The following PSEN2 variants were observed in gnomAD, a reference collection of about 807,000 sequenced individuals.
PSEN2 encodes the protein presenilin 2.
Under a neutral mutation model 49.1 loss-of-function variants are expected in PSEN2, and 32 were observed. That is an observed-to-expected ratio of 0.65 (90% CI 0.49 to 0.88). The LOEUF (loss-of-function observed/expected upper bound fraction) is 0.88, where lower values mean the gene tolerates loss of function less well. Among genes scored for constraint, PSEN2 ranks in the 40% least tolerant of loss-of-function variants. The pLI is 0.00. For missense variants in PSEN2, 522 were observed against 586.9 expected, an observed-to-expected ratio of 0.89 and a Z score of 1.14; for synonymous variants, 255 against 244.0, an observed-to-expected ratio of 1.05 and a Z score of -0.42.
intron 11 of PSEN2, 37 bp downstream of exon 11, chr1:226,891,881 AC>A: frequency 6.3e-7 from 1 of 1,582,460 alleles, no homozygotes; most frequent in Non-Finnish European, 8.7e-7. Context: ...GCTTCAGCCT[AC>A]GGCGGGAGCG....
Position 226,888,121 on chromosome 1 carries a change from C to T in PSEN2, c.529C>T (p.Leu177=). 6.2e-7 allele frequency: 1 copy of T among 1,613,952 alleles called. No individual in the cohort carries two copies. The highest frequency in any genetic ancestry group is 8.5e-7 in the Non-Finnish European group (1 of 1,179,810). Residue 177 remains leucine, a synonymous_variant, in exon 7 of 13, where the codon CTG becomes TTG. Coordinates refer to ENST00000366783, the MANE Select transcript of PSEN2 (RefSeq NM_000447.3). The stretch of plus-strand genomic sequence containing the variant: ...CCATGGCTGGTTGATCATGTCTTCA[C>T]TGATGCTGCTGTTCCTCTTCACCTA... ...FIHGWLIMSS[L]MLLFLFTYIY... is the part of the protein sequence containing the mutation.
At chr1:226,899,084 G>T (rs1239707443), downstream of PSEN2, 1 of 152,090 alleles carries the variant, frequency 6.6e-6, no homozygotes, top group Non-Finnish European at 1.5e-5. Context: ...TCTCTTCCCT[G>T]CCTTTAGGAG....
rs979496823 is a variant in PSEN2, at chr1:226,883,831, A to C, written c.268A>C (p.Met90Leu). 1 of 1,613,460 alleles carries C rather than the reference A, an allele frequency of 6.2e-7. No individual in the cohort carries two copies. The highest frequency in any genetic ancestry group is 1.7e-5 in the Admixed American group (1 of 59,994). ...CAAATACGGAGCGAAGCACGTGATCATGCTGTTTGTGCCTGTCACTCTGTG... is the reference window on the plus strand; with the variant it reads ...CAAATACGGAGCGAAGCACGTGATCCTGCTGTTTGTGCCTGTCACTCTGTG... ...TLKYGAKHVI[M>L]LFVPVTLCMI... Residue 90 changes from methionine (M) to leucine (L), a missense_variant, in exon 5 of 13, where the codon ATG becomes CTG. Transcript: ENST00000366783.
rs1558143614 is a variant in PSEN2, at chr1:226,882,072, G to A, written c.141+24G>A. 9 of 1,613,202 alleles carry A rather than the reference G, an allele frequency of 5.6e-6. No homozygotes were observed. In the East Asian group the frequency reaches 1.6e-4, roughly 28 times the overall value. On this transcript the variant is annotated intron_variant, in intron 4 of 12. Coordinates refer to ENST00000366783, the MANE Select transcript of PSEN2 (RefSeq NM_000447.3). Reference sequence around the variant, plus strand: ...GGGTAGGTCCCACCAGCAGCTGGGGGCCTTCAAACAGGTCCCTGCGGCTAC... The same window carrying A: ...GGGTAGGTCCCACCAGCAGCTGGGGACCTTCAAACAGGTCCCTGCGGCTAC...
At chr1:226,872,944 G>A (rs1434024966) in intron 2 of PSEN2, among the ~76,000 whole-genome samples, 3 of 152,150 alleles carry the variant, frequency 2.0e-5, no homozygotes, top group South Asian at 2.1e-4. Context: ...TTGGGAGGCC[G>A]AGGTGGGTGG....
At chr1:226,889,995 G>T in intron 8 of PSEN2, 40 bp from the exon 9 acceptor site, 1 of 1,535,958 alleles carries the variant, frequency 6.5e-7, no homozygotes, top group Non-Finnish European at 9.0e-7. Flanking sequence ...TCAGGGGGCT[G>T]CCCGGGGATA....
intron 8 of PSEN2, among the ~76,000 whole-genome samples, chr1:226,889,608 C>T (rs1229257591): frequency 6.6e-6 from 1 of 152,218 alleles, no homozygotes; most frequent in Non-Finnish European, 1.5e-5. Flanking sequence ...GCTGATTGAG[C>T]AAGTGCACTG....
At chr1:226,890,671 T>C (rs942022045) in intron 9 of PSEN2, 3 of 205,760 alleles carry the variant, frequency 1.5e-5, no homozygotes, top group South Asian at 1.8e-4. Flanking sequence ...GTGCTAGGCA[T>C]TGGGGGACCC....
At position 226,895,478 on chromosome 1, in the gene PSEN2, C is replaced by T. The variant is rs1428041648; in HGVS notation, c.1246C>T (p.Leu416Phe). Residue 416 changes from leucine to phenylalanine, a missense_variant, in exon 13 of 13, where the codon CTC becomes TTC. By Grantham distance (22) the Leu-to-Phe change is conservative. Transcript: ENST00000366783. ...LAVFKKALPA[L>F]PISITFGLIF... ...TGTGTTCAAGAAGGCGCTGCCCGCCCTCCCCATCTCCATCACGTTCGGGCT... is the reference window on the plus strand; with the variant it reads ...TGTGTTCAAGAAGGCGCTGCCCGCCTTCCCCATCTCCATCACGTTCGGGCT... 1 of 1,614,056 alleles carries T rather than the reference C, an allele frequency of 6.2e-7. No individual in the cohort carries two copies. Among genetic ancestry groups the T allele is most frequent in the Non-Finnish European group, 8.5e-7 (1 of 1,180,000 alleles).
chr1:226,889,183 TGA>T (rs1661572630), intron 8 of PSEN2, 134 bp downstream of exon 8: 1 of 785,350 alleles, frequency 1.3e-6, no homozygotes, highest in South Asian at 1.7e-5. Context: ...GGATCCCTCC[TGA>T]GAGAGTCGCC....
chr1:226,899,432 T>C (rs1414800902), downstream of PSEN2: 1 of 152,238 alleles, frequency 6.6e-6, no homozygotes, highest in Non-Finnish European at 1.5e-5. Flanking sequence ...CTACTGTTAA[T>C]AGAACTTGCT....
chr1:226,896,041 C>CA lies in PSEN2; in HGVS notation c.*463dup, dbSNP rs2102700079. The CA allele has an allele frequency of 4.4e-6, 1 of 227,784 alleles. No homozygotes were observed. Among genetic ancestry groups the CA allele is most frequent in the Admixed American group, 5.2e-5 (1 of 19,276 alleles). 14.1% of individuals were successfully genotyped at this position (227,784 alleles called of 1,614,324 possible). ...TGAGTCCTGTTCTTGTTACGGCAGT[C>CA]ACACTGCTGGGAAGTGGCTTAATAG... is the stretch of plus-strand genomic sequence containing the variant. On this transcript the variant is annotated 3_prime_UTR_variant, in exon 13 of 13. Coordinates refer to ENST00000366783, the MANE Select transcript of PSEN2 (RefSeq NM_000447.3).
chr1:226,884,002 A>G (rs12057618), intron 5 of PSEN2, 83 bp downstream of exon 5: 2 of 1,201,204 alleles, frequency 1.7e-6, no homozygotes, highest in Non-Finnish European at 2.4e-6. Context: ...TGTGTTGGTC[A>G]CTGTACCTGC....
At chr1:226,886,944 TAATAA>T (rs1331918242) in intron 6 of PSEN2, among the ~76,000 whole-genome samples, 5 of 152,190 alleles carry the variant, frequency 3.3e-5, no homozygotes, top group African/African-American at 9.6e-5. Flanking sequence ...AAAAAAATAA[TAATAA>T]AATAAGTAAC....
At chr1:226,872,944 G>C (rs1434024966) in intron 2 of PSEN2, among the ~76,000 whole-genome samples, 1 of 152,152 alleles carries the variant, frequency 6.6e-6, no homozygotes, top group East Asian at 1.9e-4. Context: ...TTGGGAGGCC[G>C]AGGTGGGTGG....
At position 226,890,073 on chromosome 1, in the gene PSEN2, A is replaced by G. The variant is rs1558150686; in HGVS notation, c.826A>G (p.Met276Val). ...GCTGTGTCCCAAAGGGCCTCTGAGA[A>G]TGCTGGTAGAAACTGCCCAGGAGAG... The part of the protein sequence containing the change: ...AVLCPKGPLR[M>V]LVETAQERNE... The change falls in exon 9 of 13, where the codon ATG (methionine) becomes GTG (valine). Residue 276 changes from methionine (M) to valine (V), a missense_variant. Physicochemically the swap from Met to Val is conservative, Grantham distance 21. Coordinates refer to ENST00000366783, the MANE Select transcript of PSEN2 (RefSeq NM_000447.3). 6.2e-7 allele frequency: 1 copy of G among 1,614,068 alleles called. No individual in the cohort carries two copies. Among genetic ancestry groups the G allele is most frequent in the Admixed American group, 1.7e-5 (1 of 60,022 alleles).
chr1:226,871,491 T>A (rs1453873567), intron 2 of PSEN2, 87 bp downstream of exon 2: 1 of 152,198 alleles, frequency 6.6e-6, no homozygotes, highest in Non-Finnish European at 1.5e-5. Context: ...TCACCCCTGT[T>A]TATTGCCTTA....
At chr1:226,896,620 G>A (rs943695573), downstream of PSEN2, among the ~76,000 whole-genome samples, 5 of 152,056 alleles carry the variant, frequency 3.3e-5, no homozygotes, top group Admixed American at 2.6e-4. Context: ...CCAATACTTC[G>A]GGAGGTCGAG....
At position 226,882,054 on chromosome 1, in the gene PSEN2, T is replaced by C. The variant is rs202063466; in HGVS notation, c.141+6T>C. 18 of 1,613,694 alleles carry C rather than the reference T, an allele frequency of 1.1e-5. No individual in the cohort carries two copies. Among genetic ancestry groups the C allele is most frequent in the Non-Finnish European group, 1.4e-5 (16 of 1,179,964 alleles). ...GAGAGAACACTGCCCAGTGGGTAGG[T>C]CCCACCAGCAGCTGGGGGCCTTCAA... On this transcript the variant is annotated splice_donor_region_variant and intron_variant, in intron 4 of 12. Transcript: ENST00000366783.
Sources: allele counts gnomAD v4.1 joint callset (sites outside exome capture counted in the v4.1 genomes callset), GRCh38; gene constraint gnomAD v4.1.1; transcripts MANE v1.5; gene names NCBI Gene and HGNC (gene_info 2026-07-23, HGNC 2026-07-21).